GBE1: variants seen among roughly 807,000 people sequenced by gnomAD.
GBE1 encodes 1,4-alpha-glucan-branching enzyme.
A neutral mutation model predicts 88.8 loss-of-function variants in GBE1; 70 were observed. The ratio of observed to expected loss-of-function variants is 0.79; its 90% CI spans 0.65 to 0.96. The LOEUF (loss-of-function observed/expected upper bound fraction) is 0.96, where lower values mean the gene tolerates loss of function less well. Ranked by LOEUF, GBE1 falls within the 40% of genes least tolerant of loss-of-function variation. The pLI is 0.00. For synonymous variants in GBE1, 284 were observed against 300.1 expected (o/e 0.95, Z 0.56); for missense variants, 872 against 871.0 (o/e 1.00, Z -0.01).
Position 81,603,165 on chromosome 3 carries a change from G to A in GBE1, c.993-9142C>T, listed in dbSNP as rs1704056276. Reference sequence around the variant, plus strand: ...TCTTCCTTCTTAAATCTTGATTGCAGAAGCAAATGTAAAAGCCTGTCAAGC... The same window carrying A: ...TCTTCCTTCTTAAATCTTGATTGCAAAAGCAAATGTAAAAGCCTGTCAAGC... On this transcript the variant is annotated intron_variant, in intron 7 of 15. Transcript: ENST00000429644. Among the ~76,000 whole-genome samples the A allele has an allele frequency of 2.0e-5, 3 of 151,826 alleles. No individual in the cohort carries two copies. In the South Asian group the frequency reaches 6.2e-4, roughly 32 times the overall value.
At chr3:81,616,760 T>G (rs1462744031) in intron 7 of GBE1, among the ~76,000 whole-genome samples, 5 of 152,172 alleles carry the variant, frequency 3.3e-5, no homozygotes, top group Admixed American at 3.3e-4. Context: ...AGGAATTGTC[T>G]TAAACAGCTT....
intron 11 of GBE1, among the ~76,000 whole-genome samples, chr3:81,578,530 C>T (rs891613078): frequency 1.3e-5 from 2 of 150,650 alleles, no homozygotes; most frequent in African/African-American, 2.4e-5. Flanking sequence ...TATTATTTTG[C>T]TCATATATAT....
At chr3:81,672,092 TATC>T (rs1705197972) in intron 2 of GBE1, among the ~76,000 whole-genome samples, 1 of 151,970 alleles carries the variant, frequency 6.6e-6, no homozygotes. Flanking sequence ...AACAATAAGA[TATC>T]ATTTCGCACT....
intron 12 of GBE1, among the ~76,000 whole-genome samples, chr3:81,565,997 T>A (rs951458760): frequency 2.6e-5 from 4 of 152,168 alleles, no homozygotes; most frequent in Non-Finnish European, 5.9e-5. Flanking sequence ...TTAGAAAGCT[T>A]CTCAATAATA....
chr3:81,599,689 A>G (rs191986374), intron 7 of GBE1, among the ~76,000 whole-genome samples: 193 of 152,288 alleles, frequency 1.3e-3, no homozygotes, highest in African/African-American at 4.4e-3. Context: ...GTGGTACATG[A>G]CTGTACATAT....
At chr3:81,627,694 T>A (rs114789138) in intron 7 of GBE1, among the ~76,000 whole-genome samples, 1,623 of 151,434 alleles carry the variant, frequency 0.011, 10 homozygotes, top group Non-Finnish European at 0.016. Context: ...TAAGAAACAA[T>A]ACTAATTCTT....
At chr3:81,517,587 G>A (rs980926625) in intron 14 of GBE1, among the ~76,000 whole-genome samples, 4 of 151,250 alleles carry the variant, frequency 2.6e-5, no homozygotes, top group African/African-American at 9.7e-5. Context: ...CTTTCAGAGT[G>A]CAGGACATAT....
At chr3:81,670,461 G>C (rs779681110) in intron 3 of GBE1, among the ~76,000 whole-genome samples, 3 of 152,176 alleles carry the variant, frequency 2.0e-5, no homozygotes, top group Admixed American at 6.5e-5. Context: ...AATTTCACCC[G>C]ACCTCTTTAC....
chr3:81,693,394 G>T (rs556535101), intron 2 of GBE1, among the ~76,000 whole-genome samples: 58 of 152,038 alleles, frequency 3.8e-4, no homozygotes, highest in African/African-American at 1.4e-3. Context: ...TTATAAAATT[G>T]TATCTATTTT....
chr3:81,681,466 T>G (rs1705340662), intron 2 of GBE1, among the ~76,000 whole-genome samples: 1 of 152,236 alleles, frequency 6.6e-6, no homozygotes, highest in African/African-American at 2.4e-5. Context: ...ATATCCCACC[T>G]GACCCAGTCC....
chr3:81,572,228 C>G (rs1286794179), intron 12 of GBE1, among the ~76,000 whole-genome samples: 1 of 152,154 alleles, frequency 6.6e-6, no homozygotes, highest in Non-Finnish European at 1.5e-5. Context: ...CCCAGCTATG[C>G]TTAACTGTAA....
At chr3:81,750,682 T>TAC (rs540663766) in intron 1 of GBE1, among the ~76,000 whole-genome samples, 20,905 of 73,526 alleles carry the variant, frequency 0.28, 5,764 homozygotes, top group East Asian at 0.84. Context: ...TACGTATATA[T>TAC]ATATATATAT....
At chr3:81,517,504 G>A (rs6789701) in intron 14 of GBE1, among the ~76,000 whole-genome samples, 13,638 of 151,376 alleles carry the variant, frequency 0.09, 733 homozygotes, top group East Asian at 0.24. Context: ...AGTTATGCCT[G>A]TAGATTGCCT....
intron 3 of GBE1, among the ~76,000 whole-genome samples, chr3:81,657,274 A>G (rs1704955369): frequency 1.3e-5 from 2 of 152,160 alleles, no homozygotes; most frequent in Admixed American, 1.3e-4. Flanking sequence ...AAGCCTCTAA[A>G]TTTACCATAT....
At chr3:81,529,616 A>C (rs1702988422) in intron 14 of GBE1, among the ~76,000 whole-genome samples, 2 of 152,026 alleles carry the variant, frequency 1.3e-5, no homozygotes, top group African/African-American at 4.8e-5. Context: ...TTCCTTCAGC[A>C]CTTTAAGTAC....
At chr3:81,653,486 C>CA (rs1457149169) in intron 3 of GBE1, among the ~76,000 whole-genome samples, 45 of 142,002 alleles carry the variant, frequency 3.2e-4, no homozygotes, top group African/African-American at 3.6e-4. Flanking sequence ...ACCCTGTCTA[C>CA]AAAAAAAAAA....
intron 14 of GBE1, among the ~76,000 whole-genome samples, chr3:81,508,853 A>G (rs1001389497): frequency 1.3e-5 from 2 of 152,202 alleles, no homozygotes; most frequent in Non-Finnish European, 2.9e-5. Context: ...AGTCCTACCA[A>G]TTGCTAACTG....
intron 2 of GBE1, among the ~76,000 whole-genome samples, chr3:81,685,511 A>G (rs922452586): frequency 5.3e-5 from 8 of 151,996 alleles, no homozygotes; most frequent in African/African-American, 1.9e-4. Flanking sequence ...CCTCCCAAGC[A>G]GCCGGGATTA....
intron 12 of GBE1, among the ~76,000 whole-genome samples, chr3:81,573,735 G>T (rs1703605130): frequency 6.7e-6 from 1 of 149,698 alleles, no homozygotes. Context: ...GACTGAATTT[G>T]CTCTAAGTCA....
Sources: gnomAD v4.1 joint callset for allele counts (sites outside exome capture counted in the v4.1 genomes callset) on GRCh38, gnomAD v4.1.1 for gene constraint, MANE v1.5 for transcripts, NCBI Gene and HGNC (gene_info 2026-07-23, HGNC 2026-07-21) for gene names.